The following KCNH6 variants were observed in gnomAD, a reference collection of about 807,000 sequenced individuals.
KCNH6 encodes the protein voltage-gated inwardly rectifying potassium channel KCNH6.
A neutral mutation model predicts 83.4 loss-of-function variants in KCNH6; 81 were observed. That is an observed-to-expected ratio of 0.97 (90% CI 0.81 to 1.17). The LOEUF is 1.17. Among genes scored for constraint, KCNH6 ranks in the 50% most tolerant of loss-of-function variants. The pLI is 0.00. For missense variants in KCNH6, 1,203 were observed against 1,290.5 expected (o/e 0.93, Z 1.04); for synonymous variants, 503 against 545.6 (o/e 0.92, Z 1.09).
chr17:63,538,385 C>T lies in KCNH6; in HGVS notation c.1702-25C>T. 1 of 1,589,054 alleles carries T rather than the reference C, an allele frequency of 6.3e-7. No homozygotes were observed. On this transcript the variant is annotated intron_variant, in intron 7 of 12. Transcript: ENST00000314672. The surrounding 1 kb of genome is among the most constrained non-coding windows in gnomAD (Gnocchi z 4.0). ...CCAGCCCCACCCCGGCCGCGTCCCG[C>T]TGGACTTGGCCGCCCGCCTTGCAGG...
intron 9 of KCNH6, among the ~76,000 whole-genome samples, chr17:63,543,087 A>G (rs1486576330): frequency 6.6e-6 from 1 of 152,258 alleles, no homozygotes; most frequent in Non-Finnish European, 1.5e-5. Context: ...GGAGGAAACT[A>G]ATGGGAAGAA....
chr17:63,545,861 C>T lies in KCNH6; in HGVS notation c.2836C>T (p.His946Tyr), dbSNP rs1333831482. 10 of 1,613,934 alleles carry T rather than the reference C, an allele frequency of 6.2e-6. No homozygotes were observed. Among genetic ancestry groups the T allele is most frequent in the Non-Finnish European group, 8.5e-6 (10 of 1,180,018 alleles). ...TCCCAAGCAGCTGGACTTCCAGAGA[C>T]ATGGCTCAGATCCTGGATTTGCAGG... The part of the protein sequence containing the change: ...SVPKQLDFQR[H>Y]GSDPGFAGSW... The change falls in exon 13 of 13, where the codon CAT becomes TAT. Residue 946 changes from histidine (H) to tyrosine (Y), a missense_variant. His to Tyr is a moderately conservative substitution (Grantham distance 83). Coordinates refer to ENST00000314672, the MANE Select transcript of KCNH6 (RefSeq NM_001278919.2).
At chr17:63,525,240 G>C (rs941501079) in intron 2 of KCNH6, among the ~76,000 whole-genome samples, 1 of 152,218 alleles carries the variant, frequency 6.6e-6, no homozygotes, top group Non-Finnish European at 1.5e-5. Context: ...AGGAACCACT[G>C]GCTTAGGTAA....
intron 2 of KCNH6, among the ~76,000 whole-genome samples, chr17:63,528,853 G>C (rs2031896314): frequency 6.6e-6 from 1 of 152,108 alleles, no homozygotes; most frequent in Non-Finnish European, 1.5e-5. Context: ...TTGTTTGTTT[G>C]AGACAGAGTC....
chr17:63,535,783 T>C lies in KCNH6; in HGVS notation c.1216T>C (p.Cys406Arg). 1 of 1,614,250 alleles carries C rather than the reference T, an allele frequency of 6.2e-7. No homozygotes were observed. Among genetic ancestry groups the C allele is most frequent in the Non-Finnish European group, 8.5e-7 (1 of 1,180,058 alleles). ...GGCGGCTGTGCTCTTCTTGCTCATG[T>C]GCACCTTCGCGCTCATAGCGCACTG... ...YGAAVLFLLMCTFALIAHWLA... is the reference protein window; with the variant it reads ...YGAAVLFLLMRTFALIAHWLA... The change falls in exon 6 of 13, where the codon TGC becomes CGC. Residue 406 changes from cysteine to arginine, a missense_variant. Transcript: ENST00000314672. This position sits in a 1 kb window ranked among gnomAD's most constrained non-coding sequence, Gnocchi z 4.9.
chr17:63,546,942 A>T (rs1325908517), downstream of KCNH6, among the ~76,000 whole-genome samples: 1 of 152,152 alleles, frequency 6.6e-6, no homozygotes, highest in Admixed American at 6.5e-5. Flanking sequence ...GCCCTAGGGG[A>T]TCATGACAAC....
intron 8 of KCNH6, among the ~76,000 whole-genome samples, chr17:63,541,414 G>A (rs1464561910): frequency 6.7e-6 from 1 of 149,836 alleles, no homozygotes; most frequent in Admixed American, 6.7e-5. Context: ...TCAGCCTCCC[G>A]AGTAGCTGGG....
At position 63,535,825 on chromosome 17, in the gene KCNH6, T is replaced by C. The variant is rs1597993889; in HGVS notation, c.1258T>C (p.Tyr420His). The change falls in exon 6 of 13, where the codon TAC becomes CAC. Residue 420 changes from tyrosine to histidine, a missense_variant. Tyr to His is a moderately conservative substitution (Grantham distance 83, BLOSUM62 2). Transcript: ENST00000314672. The surrounding 1 kb of genome is among the most constrained non-coding windows in gnomAD (Gnocchi z 4.9). ...LIAHWLACIW[Y>H]AIGNVERPYL... ...AGCGCACTGGCTGGCCTGCATCTGG[T>C]ACGCCATCGGCAATGTGGAGCGGCC... 1 of 1,614,084 alleles carries C rather than the reference T, an allele frequency of 6.2e-7. No homozygotes were observed. The highest frequency in any genetic ancestry group is 1.7e-5 in the Admixed American group (1 of 60,018).
Position 63,534,325 on chromosome 17 carries a change from C to T in KCNH6, c.1101+14C>T, listed in dbSNP as rs766629328. 4 of 1,598,346 alleles carry T rather than the reference C, an allele frequency of 2.5e-6. No homozygotes were observed. The highest frequency in any genetic ancestry group is 1.7e-5 in the Admixed American group (1 of 59,442). On this transcript the variant is annotated intron_variant, in intron 5 of 12. Transcript: ENST00000314672. The surrounding 1 kb of genome is among the most constrained non-coding windows in gnomAD (Gnocchi z 5.0). ...GGCTCCGATGAGGTGAGCAGACCCC[C>T]TCCAGGCCAGCAGCCATGGCTGTCC...
At position 63,533,937 on chromosome 17, in the gene KCNH6, C is replaced by G; in HGVS notation, c.727C>G (p.Arg243Gly). 6.2e-7 allele frequency: 1 copy of G among 1,614,004 alleles called. No individual in the cohort carries two copies. Among genetic ancestry groups the G allele is most frequent in the Middle Eastern group, 1.7e-4 (1 of 6,056 alleles). ...GCCGGAGTACAAGCTGCAGGCGCCG[C>G]GCATCCACCGCTGGACCATCCTGCA... is the stretch of plus-strand genomic sequence containing the variant. The part of the protein sequence containing the change: ...VLPEYKLQAP[R>G]IHRWTILHYS... The change falls in exon 5 of 13, where the codon CGC (arginine) becomes GGC (glycine). Residue 243 changes from arginine to glycine, a missense_variant. By Grantham distance (125) the Arg-to-Gly change is moderately radical. Coordinates refer to ENST00000314672, the MANE Select transcript of KCNH6 (RefSeq NM_001278919.2). This position sits in a 1 kb window ranked among gnomAD's most constrained non-coding sequence, Gnocchi z 4.1.
chr17:63,545,043 A>G, intron 11 of KCNH6, 35 bp from the exon 12 acceptor site: 1 of 1,604,108 alleles, frequency 6.2e-7, no homozygotes, highest in East Asian at 2.2e-5. Flanking sequence ...TACTTTTGCC[A>G]GCCCTGACCC....
Position 63,536,000 on chromosome 17 carries a change from G to T in KCNH6, c.1433G>T (p.Gly478Val), listed in dbSNP as rs1336518852. 6.2e-7 allele frequency: 1 copy of T among 1,613,888 alleles called. No homozygotes were observed. The highest frequency in any genetic ancestry group is 1.1e-5 in the South Asian group (1 of 91,088). Residue 478 changes from glycine (G) to valine (V), a missense_variant, in exon 6 of 13, where the codon GGC (glycine) becomes GTC (valine). Transcript: ENST00000314672. The surrounding 1 kb of genome is among the most constrained non-coding windows in gnomAD (Gnocchi z 4.9). ...YFTFSSLTSV[G>V]FGNVSPNTNS... is the part of the protein sequence containing the mutation. ...ACCTTCAGCAGCCTCACCAGCGTGG[G>T]CTTCGGCAATGTCTCGCCCAACACC...
intron 2 of KCNH6, among the ~76,000 whole-genome samples, chr17:63,528,196 A>G (rs2031842215): frequency 6.6e-6 from 1 of 152,178 alleles, no homozygotes; most frequent in Non-Finnish European, 1.5e-5. Flanking sequence ...CTGGCCAAGG[A>G]GGCTCCCTGT....
In KCNH6 at chr17:63,530,324, G is replaced by A; in HGVS notation, c.470-13G>A. 6.2e-7 allele frequency: 1 copy of A among 1,614,146 alleles called. No homozygotes were observed. Among genetic ancestry groups the A allele is most frequent in the African/African-American group, 1.3e-5 (1 of 75,060 alleles). Reference sequence around the variant, plus strand: ...CTGGCCGTGGCTGCTCTGACTCCTGGCCCTGGTTTCAGAGGGCTCTCATGG... The same window carrying A: ...CTGGCCGTGGCTGCTCTGACTCCTGACCCTGGTTTCAGAGGGCTCTCATGG... On this transcript the variant is annotated splice_polypyrimidine_tract_variant and intron_variant, in intron 3 of 12. Transcript: ENST00000314672.
At position 63,545,476 on chromosome 17, in the gene KCNH6, C is replaced by G. The variant is rs184779232; in HGVS notation, c.2584-133C>G. 6.4e-5 allele frequency: 66 copies of G among 1,038,164 alleles called. No homozygotes were observed. In the Admixed American group the frequency reaches 7.4e-4, roughly 12 times the overall value. The allele number at this position is 1,038,164 out of a possible 1,614,324, so 64.3% of individuals were successfully genotyped here. A position where few individuals can be genotyped will look rare whatever the true frequency, so the allele number is the denominator to read the frequency against. On this transcript the variant is annotated intron_variant, in intron 12 of 12. Transcript: ENST00000314672. Reference sequence around the variant, plus strand: ...CAGAATGTGACTCCAGAGCCTGCAGCTGGGGCCAGGGCAGCAGGACCCTGA... The same window carrying G: ...CAGAATGTGACTCCAGAGCCTGCAGGTGGGGCCAGGGCAGCAGGACCCTGA...
chr17:63,530,460 CCAG>C lies in KCNH6; in HGVS notation c.595_597del (p.Ser200del), dbSNP rs1236046860. The C allele has an allele frequency of 3.1e-6, 5 of 1,614,224 alleles. No individual in the cohort carries two copies. Among genetic ancestry groups the C allele is most frequent in the Non-Finnish European group, 4.2e-6 (5 of 1,180,042 alleles). On this transcript the variant is annotated inframe_deletion, in exon 4 of 13. Transcript: ENST00000314672. ...GAGTTCAACTTGGAGAAGCACCGCTCCAGCTCCACCACGGAGATTGAGATCATC... is the reference window on the plus strand; with the variant it reads ...GAGTTCAACTTGGAGAAGCACCGCTCCTCCACCACGGAGATTGAGATCATC...
chr17:63,536,722 C>T (rs545215935), intron 6 of KCNH6, among the ~76,000 whole-genome samples: 2 of 151,620 alleles, frequency 1.3e-5, no homozygotes, highest in South Asian at 2.1e-4. Flanking sequence ...TTTGGGAGGC[C>T]GAGGTGGGCG....
At chr17:63,528,983 C>A (rs8071201) in intron 2 of KCNH6, among the ~76,000 whole-genome samples, 31,241 of 152,056 alleles carry the variant, frequency 0.21, 3,417 homozygotes, top group Middle Eastern at 0.31. Flanking sequence ...TACAGGTGCG[C>A]ACCACCACGC....
In KCNH6 at chr17:63,544,092, G is replaced by A. The variant is rs1007928816; in HGVS notation, c.2234-157G>A. On this transcript the variant is annotated intron_variant, in intron 10 of 12. Coordinates refer to ENST00000314672, the MANE Select transcript of KCNH6 (RefSeq NM_001278919.2). ...TCCTGGGAGCCAGAACTCCATGGGG[G>A]CAGGACCTTGTGCTCCAGGGCACCC... 5 of 1,609,384 alleles carry A rather than the reference G, an allele frequency of 3.1e-6. No homozygotes were observed. In the South Asian group the frequency reaches 4.4e-5, roughly 14 times the overall value.
Sources: allele counts gnomAD v4.1 joint callset (sites outside exome capture counted in the v4.1 genomes callset), GRCh38; gene constraint gnomAD v4.1.1; non-coding constraint Gnocchi (gnomAD v3.1); transcripts MANE v1.5; gene names NCBI Gene and HGNC (gene_info 2026-07-23, HGNC 2026-07-21).